The following GRIA3 variants were observed in gnomAD, a reference collection of about 807,000 sequenced individuals.
GRIA3 encodes the protein glutamate receptor 3.
A neutral mutation model predicts 63.0 loss-of-function variants in GRIA3; 3 were observed. That is an observed-to-expected ratio of 0.05 (90% CI 0.02 to 0.12). The LOEUF (loss-of-function observed/expected upper bound fraction) is 0.12, where lower values mean the gene tolerates loss of function less well. Among genes scored for constraint, GRIA3 ranks in the 10% least tolerant of loss-of-function variants. The probability of loss-of-function intolerance (pLI) is 1.00; values close to 1 mark genes in which losing one functional copy is unlikely to be tolerated. For missense variants in GRIA3, 347 were observed against 700.9 expected, an observed-to-expected ratio of 0.50 and a Z score of 5.70; for synonymous variants, 274 against 257.9, an observed-to-expected ratio of 1.06 and a Z score of -0.60.
At chrX:123,447,820 C>T (rs2045710855) in intron 12 of GRIA3, among the ~76,000 whole-genome samples, 1 of 112,031 alleles carries the variant, frequency 8.9e-6, no homozygotes. Flanking sequence ...TGACTCAGAT[C>T]AGGCAAATTT....
At chrX:123,309,531 G>A (rs2044776989) in intron 3 of GRIA3, among the ~76,000 whole-genome samples, 1 of 111,920 alleles carries the variant, frequency 8.9e-6, no homozygotes, top group Non-Finnish European at 1.9e-5. Flanking sequence ...TTGTTTTGAG[G>A]GATGCTCTGT....
intron 2 of GRIA3, among the ~76,000 whole-genome samples, chrX:123,235,523 G>A (rs1310908260): frequency 9.0e-6 from 1 of 111,042 alleles, no homozygotes; most frequent in Non-Finnish European, 1.9e-5. Context: ...GGCAACTGAT[G>A]AACATGAAAC....
At chrX:123,435,318 GGACCA>G (rs1449628633) in intron 12 of GRIA3, among the ~76,000 whole-genome samples, 1 of 111,687 alleles carries the variant, frequency 9.0e-6, no homozygotes, top group African/African-American at 3.3e-5. Flanking sequence ...ACAATCTAGT[GGACCA>G]TTAATTTTCA....
intron 5 of GRIA3, among the ~76,000 whole-genome samples, chrX:123,372,175 T>G (rs1023943172): frequency 1.3e-4 from 15 of 111,952 alleles, no homozygotes; most frequent in African/African-American, 4.9e-4. Flanking sequence ...TTGTTGAAAA[T>G]GAGTTAACTG....
At chrX:123,229,477 T>C (rs772098682) in intron 2 of GRIA3, among the ~76,000 whole-genome samples, 9 of 111,947 alleles carry the variant, frequency 8.0e-5, no homozygotes, top group Non-Finnish European at 1.1e-4. Flanking sequence ...CCCTACCAGA[T>C]AGCACATCAT....
At chrX:123,478,590 T>C (rs1302175472) in intron 13 of GRIA3, among the ~76,000 whole-genome samples, 1 of 112,318 alleles carries the variant, frequency 8.9e-6, no homozygotes, top group African/African-American at 3.2e-5. Context: ...AGATAGCCCC[T>C]CTGTTTTAAA....
rs10548566 is a variant in GRIA3, at chrX:123,360,855, TCACACACACACACACACACA to T, written c.750+5921_750+5940del. Among the ~76,000 whole-genome samples, 36 of 46,516 alleles carry T rather than the reference TCACACACACACACACACACA, an allele frequency of 7.7e-4. 1 individual carries two copies. The highest frequency in any genetic ancestry group is 2.5e-3 in the African/African-American group (31 of 12,362). 40.4% of individuals were successfully genotyped at this position (46,516 alleles called of 115,157 possible). A position where few individuals can be genotyped will look rare whatever the true frequency, so the allele number is the denominator to read the frequency against. ...CCTCCTCTCTCTCTCTCTCTCTCTC[TCACACACACACACACACACA>T]CACACACACACACACACACACACAC... On this transcript the variant is annotated intron_variant, in intron 5 of 15. Transcript: ENST00000620443.
At chrX:123,458,352 G>A (rs775302856) in intron 12 of GRIA3, among the ~76,000 whole-genome samples, 6 of 109,237 alleles carry the variant, frequency 5.5e-5, no homozygotes, top group South Asian at 4.1e-4. Context: ...CAGAGAGGAC[G>A]TACTGCCCAA....
intron 3 of GRIA3, among the ~76,000 whole-genome samples, chrX:123,280,872 C>A (rs1317569661): frequency 9.0e-6 from 1 of 111,583 alleles, no homozygotes; most frequent in Non-Finnish European, 1.9e-5. Context: ...TGTAACAATA[C>A]ATTCAACTTT....
chrX:123,440,959 T>C (rs2045670789), intron 12 of GRIA3, among the ~76,000 whole-genome samples: 1 of 111,649 alleles, frequency 9.0e-6, no homozygotes, highest in South Asian at 3.8e-4. Context: ...TATCAGTCAG[T>C]AACATTGATT....
Position 123,262,403 on chromosome X carries a change from A to G in GRIA3, c.508+8861A>G, listed in dbSNP as rs182553671. ...GTAGAGGCCAGGAATGCTGGTACACATCCTACAATGCACAGGACAGTATCC... is the reference window on the plus strand; with the variant it reads ...GTAGAGGCCAGGAATGCTGGTACACGTCCTACAATGCACAGGACAGTATCC... On this transcript the variant is annotated intron_variant, in intron 3 of 15. Transcript: ENST00000620443. 4.0e-4 allele frequency among the ~76,000 whole-genome samples: 45 copies of G among 111,798 alleles called. No homozygotes were observed. In the East Asian group the frequency reaches 0.011, roughly 26 times the overall value.
chrX:123,231,348 A>G (rs779039994), intron 2 of GRIA3, among the ~76,000 whole-genome samples: 2 of 111,101 alleles, frequency 1.8e-5, no homozygotes, highest in African/African-American at 6.5e-5. Context: ...CCAGGGACAC[A>G]CCTATGGCCG....
intron 3 of GRIA3, among the ~76,000 whole-genome samples, chrX:123,296,721 T>C (rs2044688671): frequency 9.0e-6 from 1 of 111,449 alleles, no homozygotes; most frequent in African/African-American, 3.3e-5. Flanking sequence ...CAAAGTCCAC[T>C]TAGTTCACTG....
At chrX:123,476,268 T>C (rs1603177803) in intron 13 of GRIA3, among the ~76,000 whole-genome samples, 2 of 111,499 alleles carry the variant, frequency 1.8e-5, no homozygotes, top group Admixed American at 9.5e-5. Flanking sequence ...ACAGAAAACA[T>C]TGAAGAGCAA....
At chrX:123,341,970 G>A (rs1039845344) in intron 4 of GRIA3, among the ~76,000 whole-genome samples, 1 of 109,693 alleles carries the variant, frequency 9.1e-6, no homozygotes, top group African/African-American at 3.4e-5. Flanking sequence ...AGGACTAAGA[G>A]TGGGTTTTTT....
At chrX:123,288,168 G>T (rs778511790) in intron 3 of GRIA3, among the ~76,000 whole-genome samples, 2 of 112,353 alleles carry the variant, frequency 1.8e-5, no homozygotes, top group East Asian at 5.5e-4. Flanking sequence ...AATGGGGAAA[G>T]GATTCCCTAT....
intron 3 of GRIA3, among the ~76,000 whole-genome samples, chrX:123,324,009 T>C (rs1360956087): frequency 1.8e-5 from 2 of 111,835 alleles, no homozygotes; most frequent in Non-Finnish European, 3.8e-5. Context: ...CAGATATCCA[T>C]AGGAGAGAGC....
At position 123,192,770 on chromosome X, in the gene GRIA3, C is replaced by G. The variant is rs187830499; in HGVS notation, c.268+6780C>G. 2.4e-3 allele frequency among the ~76,000 whole-genome samples: 267 copies of G among 111,457 alleles called. 2 individuals carry two copies. The highest frequency in any genetic ancestry group is 4.6e-3 in the Middle Eastern group (1 of 218). ...ACACAGCTGATAATGATCCCTCAAC[C>G]CTATGAGGCGCAATTCAGGGTAGAA... is the stretch of plus-strand genomic sequence containing the variant. On this transcript the variant is annotated intron_variant, in intron 2 of 15. Coordinates refer to ENST00000620443, the MANE Select transcript of GRIA3 (RefSeq NM_007325.5).
chrX:123,386,798 T>C (rs2045357088), intron 5 of GRIA3, among the ~76,000 whole-genome samples: 1 of 111,667 alleles, frequency 9.0e-6, no homozygotes, highest in African/African-American at 3.3e-5. Flanking sequence ...GGGTTCACTA[T>C]TCTGTCCCAT....
Sources: allele counts gnomAD v4.1 joint callset (sites outside exome capture counted in the v4.1 genomes callset), GRCh38; gene constraint gnomAD v4.1.1; transcripts MANE v1.5; gene names NCBI Gene and HGNC (gene_info 2026-07-23, HGNC 2026-07-21).